Variants in RGS6 observed in about 807,000 individuals in gnomAD.
RGS6 encodes the protein regulator of G protein signaling 6, also known as regulator of G-protein signaling 6.
In RGS6, 30 loss-of-function variants were observed where a neutral mutation model predicts 78.5. The ratio of observed to expected loss-of-function variants is 0.38; its 90% CI spans 0.29 to 0.52. RGS6 has a LOEUF of 0.52. Ranked by LOEUF, RGS6 falls within the 20% of genes least tolerant of loss-of-function variation. The pLI is 0.85. For missense variants in RGS6, 495 were observed against 609.7 expected, an observed-to-expected ratio of 0.81 and a Z score of 1.98; for synonymous variants, 206 against 206.0, an observed-to-expected ratio of 1.00 and a Z score of 0.00.
chr14:71,913,119 G>A, the RGS6 span, among the ~76,000 whole-genome samples: 224 of 152,176 alleles, frequency 1.5e-3, no homozygotes, highest in African/African-American at 5.2e-3. Flanking sequence ...GAGCCACCGC[G>A]CCTGGCCTAC....
At chr14:71,880,001 G>A in the RGS6 span, among the ~76,000 whole-genome samples, 68 of 152,244 alleles carry the variant, frequency 4.5e-4, no homozygotes, top group Non-Finnish European at 7.1e-4. Context: ...TAGTGATGTG[G>A]AAATAAAGTC....
chr14:72,536,779 C>A (rs903561422), intron 16 of RGS6, among the ~76,000 whole-genome samples: 14 of 152,120 alleles, frequency 9.2e-5, no homozygotes, highest in Non-Finnish European at 8.8e-5. Flanking sequence ...CTAAAGTCAT[C>A]CTGGGGTTTC....
intron 12 of RGS6, among the ~76,000 whole-genome samples, chr14:72,480,060 G>T (rs1236984413): frequency 6.6e-6 from 1 of 152,108 alleles, no homozygotes; most frequent in Non-Finnish European, 1.5e-5. Context: ...TGAGGGAGGG[G>T]GTTAAAAAAT....
At chr14:72,205,905 T>G (rs1441518903) in intron 2 of RGS6, among the ~76,000 whole-genome samples, 1 of 152,234 alleles carries the variant, frequency 6.6e-6, no homozygotes, top group East Asian at 1.9e-4. Flanking sequence ...TCATGGACTG[T>G]TTTCTGCTGG....
rs1443927486 is a variant in RGS6 at position 72,489,155 on chromosome 14, G to GCC, written c.855-5997_855-5996insCC. Among the ~76,000 whole-genome samples the GCC allele has an allele frequency of 4.4e-3, 512 of 116,312 alleles. 7 individuals are homozygous for GCC. Among genetic ancestry groups the GCC allele is most frequent in the South Asian group, 0.029 (98 of 3,426 alleles). 76.3% of individuals were successfully genotyped at this position (116,312 alleles called of 152,430 possible). A position where few individuals can be genotyped will look rare whatever the true frequency, so the allele number is the denominator to read the frequency against. The stretch of plus-strand genomic sequence containing the variant: ...GCAGATGTCCTGGGAGGACAAAGGG[G>GCC]GCCCCCCCACCGGCTGTTTGCTCAT... On this transcript the variant is annotated intron_variant, in intron 12 of 17. Coordinates refer to ENST00000553525, the MANE Select transcript of RGS6 (RefSeq NM_001204424.2).
chr14:71,914,400 C>T, the RGS6 span, among the ~76,000 whole-genome samples: 1 of 152,204 alleles, frequency 6.6e-6, no homozygotes, highest in African/African-American at 2.4e-5. Flanking sequence ...CACCAATGAC[C>T]AACTCCAAGT....
chr14:72,041,643 C>T (rs2092409686), intron 2 of RGS6, among the ~76,000 whole-genome samples: 1 of 152,228 alleles, frequency 6.6e-6, no homozygotes, highest in African/African-American at 2.4e-5. Context: ...TGGGGAAAGG[C>T]TAAGAATAGC....
chr14:72,618,141 G>A, the RGS6 span, among the ~76,000 whole-genome samples: 1 of 151,952 alleles, frequency 6.6e-6, no homozygotes, highest in African/African-American at 2.4e-5. Flanking sequence ...TCTAAAATGT[G>A]GCCACCCTGG....
At chr14:72,546,961 G>A (rs2097415151) in intron 17 of RGS6, among the ~76,000 whole-genome samples, 1 of 152,212 alleles carries the variant, frequency 6.6e-6, no homozygotes, top group Admixed American at 6.5e-5. Flanking sequence ...GCGGCTGATG[G>A]GGTTGTGGGG....
chr14:72,568,498 G>A (rs2097716654), downstream of RGS6, among the ~76,000 whole-genome samples: 1 of 152,178 alleles, frequency 6.6e-6, no homozygotes, highest in Non-Finnish European at 1.5e-5. Flanking sequence ...TTGCCTGTGT[G>A]GGCAGCGGCC....
At chr14:72,290,495 G>T (rs1344460615) in intron 2 of RGS6, among the ~76,000 whole-genome samples, 2 of 152,104 alleles carry the variant, frequency 1.3e-5, no homozygotes, top group African/African-American at 4.8e-5. Flanking sequence ...AGGTATTTTG[G>T]AAGTCCCTCG....
At chr14:71,958,587 T>C (rs537916030) in intron 1 of RGS6, among the ~76,000 whole-genome samples, 2 of 150,272 alleles carry the variant, frequency 1.3e-5, no homozygotes, top group South Asian at 4.3e-4. Context: ...TGAAAGCCAG[T>C]TTTTTTTGAC....
At chr14:72,058,702 A>C (rs1389751179) in intron 2 of RGS6, among the ~76,000 whole-genome samples, 2 of 152,210 alleles carry the variant, frequency 1.3e-5, no homozygotes, top group African/African-American at 4.8e-5. Context: ...CTGGAGGCAC[A>C]ACTTTGTCTG....
At chr14:71,952,807 AC>A (rs1309161595) in intron 1 of RGS6, among the ~76,000 whole-genome samples, 2 of 151,328 alleles carry the variant, frequency 1.3e-5, no homozygotes, top group African/African-American at 2.4e-5. Context: ...TACTGATTTT[AC>A]CTGTTCCTTT....
chr14:72,618,590 C>T, the RGS6 span, among the ~76,000 whole-genome samples: 1 of 152,278 alleles, frequency 6.6e-6, no homozygotes, highest in Admixed American at 6.5e-5. Context: ...CTGGCTATGG[C>T]GGGGCCTTGG....
At chr14:72,608,959 G>A in the RGS6 span, among the ~76,000 whole-genome samples, 1 of 152,172 alleles carries the variant, frequency 6.6e-6, no homozygotes, top group Non-Finnish European at 1.5e-5. Context: ...CAACATGAAA[G>A]GGCTCTACCC....
intron 14 of RGS6, among the ~76,000 whole-genome samples, chr14:72,513,513 C>A (rs1303416624): frequency 2.3e-4 from 35 of 152,116 alleles, no homozygotes; most frequent in Admixed American, 2.3e-3. Context: ...GGTGCAGGCT[C>A]CCTTTGCACC....
At chr14:72,366,135 C>A (rs2082405159) in intron 3 of RGS6, among the ~76,000 whole-genome samples, 1 of 152,176 alleles carries the variant, frequency 6.6e-6, no homozygotes, top group African/African-American at 2.4e-5. Context: ...AACATGCTCA[C>A]CCACCCCACA....
the RGS6 span, among the ~76,000 whole-genome samples, chr14:71,918,161 GT>G: frequency 3.3e-5 from 4 of 120,512 alleles, no homozygotes; most frequent in Admixed American, 2.2e-4. Context: ...AGCCTGCTGG[GT>G]GACAGAGCAA....
Sources: gnomAD v4.1 joint callset for allele counts (sites outside exome capture counted in the v4.1 genomes callset) on GRCh38, gnomAD v4.1.1 for gene constraint, MANE v1.5 for transcripts, NCBI Gene and HGNC (gene_info 2026-07-23, HGNC 2026-07-21) for gene names.